The following PDE4D variants were observed in gnomAD, a reference collection of about 807,000 sequenced individuals.
PDE4D encodes the protein 3',5'-cyclic-AMP phosphodiesterase 4D.
A neutral mutation model predicts 87.4 loss-of-function variants in PDE4D; 24 were observed. The observed-to-expected ratio is 0.27, with a 90% CI of 0.20 to 0.39. The LOEUF (loss-of-function observed/expected upper bound fraction) is 0.39. Ranked by LOEUF, PDE4D falls within the 10% of genes least tolerant of loss-of-function variation. The pLI, the probability that PDE4D is intolerant of heterozygous loss-of-function variation, is 1.00. For synonymous variants in PDE4D, 384 were observed against 383.2 expected, an observed-to-expected ratio of 1.00 and a Z score of -0.02; for missense variants, 714 against 1,041.0, an observed-to-expected ratio of 0.69 and a Z score of 4.32.
intron 1 of PDE4D, among the ~76,000 whole-genome samples, chr5:60,208,897 C>A (rs945135169): frequency 7.2e-5 from 11 of 152,076 alleles, no homozygotes; most frequent in African/African-American, 2.4e-4. Context: ...GCAGGAGGTG[C>A]CGGCAAGACA....
At chr5:59,027,138 C>T (rs905437222) in intron 6 of PDE4D, among the ~76,000 whole-genome samples, 3 of 152,102 alleles carry the variant, frequency 2.0e-5, no homozygotes, top group Non-Finnish European at 4.4e-5. Flanking sequence ...GAGTACTGGT[C>T]AAATACTGGT....
chr5:59,231,620 CTTAT>C (rs1490632361), intron 1 of PDE4D, among the ~76,000 whole-genome samples: 1 of 152,132 alleles, frequency 6.6e-6, no homozygotes, highest in Non-Finnish European at 1.5e-5. Context: ...AATTTGGGGG[CTTAT>C]TTGTCAGCAC....
In PDE4D at chr5:58,969,499, T is replaced by C. The variant is rs545273461; in HGVS notation, c.*5165A>G. On this transcript the variant is annotated 3_prime_UTR_variant, in exon 15 of 15. Coordinates refer to ENST00000340635, the MANE Select transcript of PDE4D (RefSeq NM_001104631.2). ...TGTCAACTTTTTCCCTAGTTACCTC[T>C]TACAATCCTTCAGAACTCAGATGCA... 1 of 152,348 alleles carries C rather than the reference T, an allele frequency of 6.6e-6. No homozygotes were observed. Among genetic ancestry groups the C allele is most frequent in the South Asian group, 2.1e-4 (1 of 4,822 alleles). 9.4% of individuals were successfully genotyped at this position (152,348 alleles called of 1,614,324 possible).
chr5:60,000,689 T>G (rs2152838407), intron 2 of PDE4D, among the ~76,000 whole-genome samples: 1 of 152,284 alleles, frequency 6.6e-6, no homozygotes, highest in Middle Eastern at 3.4e-3. Flanking sequence ...TATTTTTAAC[T>G]CTGGTATAGA....
chr5:59,763,612 A>T (rs993868671), intron 1 of PDE4D, among the ~76,000 whole-genome samples: 1 of 152,152 alleles, frequency 6.6e-6, no homozygotes, highest in Admixed American at 6.5e-5. Flanking sequence ...GAATGTGAAG[A>T]ACTTCCTGAT....
At chr5:60,264,711 G>T (rs1326582191) in intron 1 of PDE4D, among the ~76,000 whole-genome samples, 1 of 152,210 alleles carries the variant, frequency 6.6e-6, no homozygotes, top group Non-Finnish European at 1.5e-5. Context: ...CTAAGGATCT[G>T]TTATTCTCTT....
chr5:59,892,297 G>A (rs1461064353), intron 1 of PDE4D, among the ~76,000 whole-genome samples: 2 of 152,108 alleles, frequency 1.3e-5, no homozygotes, highest in Admixed American at 6.5e-5. Flanking sequence ...GTTGATAGGC[G>A]GCTTCCCTGC....
intron 1 of PDE4D, among the ~76,000 whole-genome samples, chr5:59,673,439 C>T (rs2150337881): frequency 6.6e-6 from 1 of 152,280 alleles, no homozygotes; most frequent in East Asian, 1.9e-4. Context: ...ATGATTATTT[C>T]AATATACTGT....
At chr5:60,381,300 T>A (rs79927184) in intron 1 of PDE4D, among the ~76,000 whole-genome samples, 3,662 of 152,286 alleles carry the variant, frequency 0.024, 114 homozygotes, top group African/African-American at 0.082. Flanking sequence ...ACTTTGCATA[T>A]GTCACACGGT....
chr5:59,993,981 AC>A (rs1763273247), intron 2 of PDE4D, among the ~76,000 whole-genome samples: 1 of 152,074 alleles, frequency 6.6e-6, no homozygotes, highest in Non-Finnish European at 1.5e-5. Context: ...TTTCTGAAAT[AC>A]ATGCCTAAAG....
At chr5:59,308,677 A>G (rs1037232969) in intron 1 of PDE4D, among the ~76,000 whole-genome samples, 5 of 151,560 alleles carry the variant, frequency 3.3e-5, no homozygotes, top group Middle Eastern at 3.4e-3. Flanking sequence ...GGGGGGCGCA[A>G]TGGGCTCTGT....
intron 2 of PDE4D, among the ~76,000 whole-genome samples, chr5:60,056,290 C>G (rs1175385542): frequency 6.6e-6 from 1 of 152,032 alleles, no homozygotes; most frequent in African/African-American, 2.4e-5. Flanking sequence ...CCCAATGAGG[C>G]TGGCAGGCTG....
At chr5:60,419,827 T>C (rs1742934953) in intron 1 of PDE4D, among the ~76,000 whole-genome samples, 1 of 152,186 alleles carries the variant, frequency 6.6e-6, no homozygotes, top group Non-Finnish European at 1.5e-5. Context: ...AATCCAGAAC[T>C]GAAATCCCTC....
At chr5:60,298,096 G>A (rs115601138) in intron 1 of PDE4D, among the ~76,000 whole-genome samples, 241 of 151,698 alleles carry the variant, frequency 1.6e-3, no homozygotes, top group African/African-American at 3.8e-3. Flanking sequence ...TTTACATATA[G>A]TTTGATGATT....
At chr5:59,950,090 C>T (rs1222101549) in intron 3 of PDE4D, among the ~76,000 whole-genome samples, 2 of 152,094 alleles carry the variant, frequency 1.3e-5, no homozygotes, top group Non-Finnish European at 2.9e-5. Flanking sequence ...GGTATCTATC[C>T]TAAATGTTAT....
intron 2 of PDE4D, among the ~76,000 whole-genome samples, chr5:60,098,794 C>T (rs944958169): frequency 6.6e-6 from 1 of 152,012 alleles, no homozygotes; most frequent in East Asian, 1.9e-4. Flanking sequence ...GGCTAGGACT[C>T]CCAGTACTAT....
At chr5:59,924,698 A>G (rs1356783470) in intron 3 of PDE4D, among the ~76,000 whole-genome samples, 1 of 152,200 alleles carries the variant, frequency 6.6e-6, no homozygotes, top group Admixed American at 6.5e-5. Context: ...GACCTGTCCT[A>G]TAAGAAATGC....
chr5:59,930,871 T>C (rs866050261), intron 3 of PDE4D, among the ~76,000 whole-genome samples: 1 of 152,202 alleles, frequency 6.6e-6, no homozygotes, highest in Non-Finnish European at 1.5e-5. Flanking sequence ...AACAATAATA[T>C]GCAGTGGTAT....
chr5:58,982,067 T>C (rs1745297168), intron 11 of PDE4D, among the ~76,000 whole-genome samples: 2 of 152,276 alleles, frequency 1.3e-5, no homozygotes, highest in South Asian at 4.1e-4. Context: ...GATAGAAGCA[T>C]TCCTCCTTCT....
Sources: allele counts gnomAD v4.1 joint callset (sites outside exome capture counted in the v4.1 genomes callset), GRCh38; gene constraint gnomAD v4.1.1; transcripts MANE v1.5; gene names NCBI Gene and HGNC (gene_info 2026-07-23, HGNC 2026-07-21).